Variants in TF observed in about 807,000 individuals in gnomAD.
TF encodes the protein transferrin.
A neutral mutation model predicts 82.4 loss-of-function variants in TF; 55 were observed. The ratio of observed to expected loss-of-function variants is 0.67; its 90% confidence interval spans 0.54 to 0.84. The LOEUF (loss-of-function observed/expected upper bound fraction) is 0.84, where lower values mean the gene tolerates loss of function less well. Among genes scored for constraint, TF ranks in the 40% least tolerant of loss-of-function variants. The pLI, the probability that TF is intolerant of heterozygous loss-of-function variation, is 0.00. For synonymous variants in TF, 332 were observed against 332.6 expected, an observed-to-expected ratio of 1.00 and a Z score of 0.02; for missense variants, 737 against 868.4, an observed-to-expected ratio of 0.85 and a Z score of 1.90.
intron 14 of TF, among the ~76,000 whole-genome samples, chr3:133,772,279 T>C (rs1329220440): frequency 6.6e-6 from 1 of 152,210 alleles, no homozygotes; most frequent in Non-Finnish European, 1.5e-5. Context: ...TAAGAGAGTG[T>C]TACCCTAAGC....
chr3:133,753,483 G>T, intron 2 of TF, 112 bp from the exon 3 acceptor site: 1 of 910,566 alleles, frequency 1.1e-6, no homozygotes, highest in Admixed American at 1.8e-5. Flanking sequence ...GTCTAGTCAA[G>T]TTCTGGCCCT....
At chr3:133,752,909 A>G (rs1007364254) in intron 2 of TF, among the ~76,000 whole-genome samples, 23 of 152,352 alleles carry the variant, frequency 1.5e-4, no homozygotes, top group South Asian at 4.1e-4. Flanking sequence ...CATTCAGTAC[A>G]TAGTATCACC....
the TF span, among the ~76,000 whole-genome samples, chr3:133,696,732 C>T: frequency 6.8e-4 from 103 of 151,930 alleles, no homozygotes; most frequent in Admixed American, 2.6e-3. Context: ...CTTATTAGCA[C>T]ATCTGCATTT....
upstream of TF, among the ~76,000 whole-genome samples, chr3:133,745,203 C>T (rs912097826): frequency 1.3e-5 from 2 of 152,210 alleles, no homozygotes; most frequent in Non-Finnish European, 2.9e-5. Context: ...ACTGACCTGA[C>T]GTGTCCACTA....
At chr3:133,722,693 T>C in the TF span, among the ~76,000 whole-genome samples, 1 of 152,194 alleles carries the variant, frequency 6.6e-6, no homozygotes. Flanking sequence ...ACAGTTAATA[T>C]TTTTGTTGCC....
intron 9 of TF, among the ~76,000 whole-genome samples, chr3:133,763,384 AC>A (rs1370674340): frequency 6.6e-5 from 10 of 152,246 alleles, no homozygotes; most frequent in African/African-American, 2.4e-4. Flanking sequence ...AGCCATACTT[AC>A]GTTTTAAAGA....
the TF span, among the ~76,000 whole-genome samples, chr3:133,708,972 A>G: frequency 6.6e-6 from 1 of 152,054 alleles, no homozygotes; most frequent in Admixed American, 6.5e-5. Context: ...AATGACTCCC[A>G]CCCATAGTGA....
the TF span, among the ~76,000 whole-genome samples, chr3:133,697,326 T>C: frequency 6.6e-6 from 1 of 152,214 alleles, no homozygotes; most frequent in African/African-American, 2.4e-5. Flanking sequence ...ATTTTGGCAA[T>C]TGATGCATGT....
intron 2 of TF, 179 bp downstream of exon 2, chr3:133,748,763 C>A: frequency 2.5e-6 from 2 of 785,226 alleles, no homozygotes; most frequent in Admixed American, 2.3e-5. Context: ...GTCTGGAAAG[C>A]AAAAGTCAAA....
the TF span, chr3:133,699,577 T>A: frequency 1.5e-6 from 1 of 646,582 alleles, no homozygotes; most frequent in Non-Finnish European, 2.7e-6. Context: ...GCCTGAAGTG[T>A]GGGTGGCAAG....
intron 14 of TF, chr3:133,771,068 T>A (rs185482219): frequency 5.9e-6 from 1 of 168,628 alleles, no homozygotes; most frequent in East Asian, 1.6e-4. Flanking sequence ...AGCACCAAGA[T>A]ATTGGCTTGT....
the TF span, among the ~76,000 whole-genome samples, chr3:133,709,073 A>G: frequency 0.018 from 2,770 of 152,306 alleles, 30 homozygotes; most frequent in Non-Finnish European, 0.028. Context: ...TGACCAAGGG[A>G]TAGGAAGCCA....
rs775056561 is a variant in TF at position 133,778,602 on chromosome 3, C to T, written c.2079C>T (p.Cys693=). The change falls in exon 17 of 17, where the codon TGC becomes TGT. Residue 693 remains cysteine, a synonymous_variant. Transcript: ENST00000402696. The part of the protein sequence containing the change: ...KCSTSSLLEA[C]TFRRP The stretch of plus-strand genomic sequence containing the variant: ...GCTCCACAGCACTCCTGGAAGCCTG[C>T]ACTTTCCGTAGACCTTAAAATCTCA... 1.1e-5 allele frequency: 17 copies of T among 1,613,182 alleles called. No individual in the cohort carries two copies. The highest frequency in any genetic ancestry group is 1.4e-5 in the Non-Finnish European group (17 of 1,179,466).
intron 5 of TF, chr3:133,755,897 G>A (rs1468534294): frequency 2.1e-5 from 9 of 422,434 alleles, no homozygotes; most frequent in East Asian, 1.9e-4. Context: ...CCCCATCACC[G>A]TCTCTATCTG....
chr3:133,748,174 G>A, intron 1 of TF: 1 of 573,696 alleles, frequency 1.7e-6, no homozygotes, highest in East Asian at 3.1e-5. Flanking sequence ...TGATGGCCAT[G>A]CCTGCACCCC....
In TF at chr3:133,782,013, A is replaced by G. The variant is rs1934525072; in HGVS notation, c.*3393A>G. On this transcript the variant is annotated 3_prime_UTR_variant, in exon 17 of 17. Coordinates refer to ENST00000402696, the MANE Select transcript of TF (RefSeq NM_001063.4). Reference sequence around the variant, plus strand: ...CAAAAACCTGAAAAGACATTTCTCCAAGAAGAAAAATGGCCAAGATGGATA... The same window carrying G: ...CAAAAACCTGAAAAGACATTTCTCCGAGAAGAAAAATGGCCAAGATGGATA... The G allele has an allele frequency of 6.6e-6, 1 of 152,230 alleles. No homozygotes were observed. The highest frequency in any genetic ancestry group is 1.5e-5 in the Non-Finnish European group (1 of 68,032). The allele number at this position is 152,230 out of a possible 1,614,324, so 9.4% of individuals were successfully genotyped here. A position where few individuals can be genotyped will look rare whatever the true frequency, so the allele number is the denominator to read the frequency against.
At chr3:133,728,327 A>G in the TF span, among the ~76,000 whole-genome samples, 217 of 152,280 alleles carry the variant, frequency 1.4e-3, 1 homozygote, top group African/African-American at 4.9e-3. Flanking sequence ...ACATAGTCCC[A>G]TATTTCTTGG....
At chr3:133,681,981 A>C in the TF span, among the ~76,000 whole-genome samples, 5 of 152,182 alleles carry the variant, frequency 3.3e-5, no homozygotes, top group African/African-American at 1.2e-4. Context: ...TCATATGGCC[A>C]GGTGCCCATC....
At chr3:133,733,872 A>C in the TF span, among the ~76,000 whole-genome samples, 3,487 of 97,476 alleles carry the variant, frequency 0.036, 68 homozygotes, top group South Asian at 0.13. Flanking sequence ...AAAAACAAAA[A>C]AAAAAAAAAC....
Sources: allele counts gnomAD v4.1 joint callset (sites outside exome capture counted in the v4.1 genomes callset), GRCh38; gene constraint gnomAD v4.1.1; transcripts MANE v1.5; gene names NCBI Gene and HGNC (gene_info 2026-07-23, HGNC 2026-07-21).